Variants in ZNF521 observed in about 807,000 individuals in gnomAD.
ZNF521 encodes the protein zinc finger protein 521, also known as LYST-interacting protein 3.
A neutral mutation model predicts 105.5 loss-of-function variants in ZNF521; 14 were observed. That is an observed-to-expected ratio of 0.13 (90% confidence interval 0.09 to 0.21). The LOEUF (loss-of-function observed/expected upper bound fraction) is 0.21, where lower values mean the gene tolerates loss of function less well. ZNF521 is among the 10% of genes least tolerant of loss of function. The probability of loss-of-function intolerance (pLI) is 1.00; values close to 1 mark genes in which losing one functional copy is unlikely to be tolerated. For missense variants in ZNF521, 1,233 were observed against 1,629.7 expected, an observed-to-expected ratio of 0.76 and a Z score of 4.19; for synonymous variants, 635 against 606.0, an observed-to-expected ratio of 1.05 and a Z score of -0.70.
At chr18:25,103,272 G>GCTCT (rs540290568) in intron 5 of ZNF521, among the ~76,000 whole-genome samples, 169 of 152,278 alleles carry the variant, frequency 1.1e-3, no homozygotes, top group Non-Finnish European at 1.9e-3. Flanking sequence ...GAACGCTGAT[G>GCTCT]CTCTGTATGA....
At chr18:25,164,076 G>C (rs756025670) in intron 5 of ZNF521, among the ~76,000 whole-genome samples, 1 of 152,180 alleles carries the variant, frequency 6.6e-6, no homozygotes, top group African/African-American at 2.4e-5. Context: ...CTCCCAGTTG[G>C]AAAAGATCTG....
chr18:25,262,602 A>G (rs772369421), intron 3 of ZNF521, among the ~76,000 whole-genome samples: 5 of 152,182 alleles, frequency 3.3e-5, no homozygotes, highest in Admixed American at 6.5e-5. Flanking sequence ...CCCTCATGAA[A>G]CTCATGGGTA....
In ZNF521 at chr18:25,322,126, C is replaced by G; in HGVS notation, c.102G>C (p.Arg34Ser). Residue 34 changes from arginine (R) to serine (S), a missense_variant, in exon 3 of 8, where the codon AGG becomes AGC. Coordinates refer to ENST00000361524, the MANE Select transcript of ZNF521 (RefSeq NM_015461.3). ...CTTCCAACTCCTCCCCGTCTTCCGG[C>G]CTCTTCTTACAATCTAGTGCCTCTC... Reference protein sequence around the residue: ...EDGEALDCKKRPEDGEELEDE... With the variant: ...EDGEALDCKKSPEDGEELEDE... 6.2e-7 allele frequency: 1 copy of G among 1,614,184 alleles called. No individual in the cohort carries two copies.
At chr18:25,229,217 C>T (rs1056281825) in intron 3 of ZNF521, among the ~76,000 whole-genome samples, 2 of 152,172 alleles carry the variant, frequency 1.3e-5, no homozygotes, top group Non-Finnish European at 2.9e-5. Context: ...CAGCCTCTTC[C>T]TTATCCACAG....
At chr18:25,349,094 C>T (rs1206580044) in intron 2 of ZNF521, among the ~76,000 whole-genome samples, 1 of 152,112 alleles carries the variant, frequency 6.6e-6, no homozygotes, top group Non-Finnish European at 1.5e-5. Flanking sequence ...TCCCAAATTC[C>T]TTCACGGGGT....
intron 5 of ZNF521, among the ~76,000 whole-genome samples, chr18:25,169,075 T>C (rs751235507): frequency 6.6e-6 from 1 of 152,162 alleles, no homozygotes; most frequent in South Asian, 2.1e-4. Flanking sequence ...TATAATTCCA[T>C]GGACAGAATA....
chr18:25,251,527 G>A (rs997280073), intron 3 of ZNF521, among the ~76,000 whole-genome samples: 1 of 152,142 alleles, frequency 6.6e-6, no homozygotes, highest in African/African-American at 2.4e-5. Context: ...GAGATTTCCA[G>A]CCCTACAGTG....
In ZNF521 at chr18:25,180,094, G is replaced by A. The variant is rs7228934; in HGVS notation, c.3658+15066C>T. Among the ~76,000 whole-genome samples the A allele has an allele frequency of 7.4e-3, 1,127 of 152,184 alleles. 11 individuals carry two copies. The highest frequency in any genetic ancestry group is 0.023 in the African/African-American group (953 of 41,510). The stretch of plus-strand genomic sequence containing the variant: ...TAGAGAAAGTTAAAAAAACTTTTTC[G>A]TTTAGAAATGAAAGCCCTTTTTTGC... On this transcript the variant is annotated intron_variant, in intron 5 of 7. Coordinates refer to ENST00000361524, the MANE Select transcript of ZNF521 (RefSeq NM_015461.3).
At chr18:25,117,705 A>G (rs992427098) in intron 5 of ZNF521, among the ~76,000 whole-genome samples, 1 of 152,100 alleles carries the variant, frequency 6.6e-6, no homozygotes, top group Non-Finnish European at 1.5e-5. Flanking sequence ...ATGAATGTGA[A>G]AATAGACTAA....
chr18:25,344,933 A>G (rs1914397657), intron 2 of ZNF521, among the ~76,000 whole-genome samples: 1 of 152,224 alleles, frequency 6.6e-6, no homozygotes, highest in South Asian at 2.1e-4. Context: ...TTAATAGGAA[A>G]AAGAGACCCT....
chr18:25,074,046 C>G (rs377471918), intron 7 of ZNF521, among the ~76,000 whole-genome samples: 9 of 142,170 alleles, frequency 6.3e-5, no homozygotes, highest in African/African-American at 2.2e-4. Flanking sequence ...ATGTGTGTGT[C>G]TGTGCACATG....
At chr18:25,257,833 A>G (rs1908626412) in intron 3 of ZNF521, among the ~76,000 whole-genome samples, 1 of 152,168 alleles carries the variant, frequency 6.6e-6, no homozygotes, top group Non-Finnish European at 1.5e-5. Context: ...TCCATATCCC[A>G]TTATAACGGG....
At chr18:25,111,538 C>T (rs1350108745) in intron 5 of ZNF521, among the ~76,000 whole-genome samples, 2 of 152,076 alleles carry the variant, frequency 1.3e-5, no homozygotes, top group African/African-American at 4.8e-5. Flanking sequence ...AGAACTTTAC[C>T]CTCTTTGCCA....
intron 3 of ZNF521, among the ~76,000 whole-genome samples, chr18:25,254,124 CTT>C (rs965276746): frequency 2.6e-5 from 4 of 152,102 alleles, no homozygotes; most frequent in African/African-American, 9.7e-5. Flanking sequence ...GTAATGAAGT[CTT>C]TTCATTTTGG....
At chr18:25,293,717 T>C (rs1191678281) in intron 3 of ZNF521, among the ~76,000 whole-genome samples, 1 of 152,186 alleles carries the variant, frequency 6.6e-6, no homozygotes, top group East Asian at 1.9e-4. Context: ...GTCTTGAAAA[T>C]AAATCAATTT....
intron 4 of ZNF521, 102 bp downstream of exon 4, chr18:25,224,243 T>G (rs2144727073): frequency 9.1e-7 from 1 of 1,102,872 alleles, no homozygotes; most frequent in Admixed American, 2.5e-5. Flanking sequence ...TCTAAGCATC[T>G]TTTGGCCCAT....
rs1347168081 is a variant in ZNF521, at chr18:25,318,471, TA to T, written c.220+3536del. On this transcript the variant is annotated intron_variant, in intron 3 of 7. Transcript: ENST00000361524. ...ATTTCACTGTATGTAAATGTGGCAC[TA>T]AAAATTACAGCATTAACAATTATAA... Among the ~76,000 whole-genome samples the T allele has an allele frequency of 6.7e-4, 102 of 152,184 alleles. 1 individual carries two copies. Among genetic ancestry groups the T allele is most frequent in the Non-Finnish European group, 1.2e-4 (8 of 68,020 alleles).
intron 6 of ZNF521, among the ~76,000 whole-genome samples, chr18:25,091,425 A>T (rs957118130): frequency 7.4e-6 from 1 of 135,206 alleles, no homozygotes; most frequent in East Asian, 2.3e-4. Context: ...CTACTCTAAA[A>T]ATCCAATTTC....
intron 5 of ZNF521, among the ~76,000 whole-genome samples, chr18:25,179,680 T>C (rs1471632607): frequency 2.0e-5 from 3 of 152,114 alleles, no homozygotes; most frequent in African/African-American, 7.2e-5. Flanking sequence ...TTTTCCAATA[T>C]CTCTCTTTCA....
Sources: allele counts gnomAD v4.1 joint callset (sites outside exome capture counted in the v4.1 genomes callset), GRCh38; gene constraint gnomAD v4.1.1; transcripts MANE v1.5; gene names NCBI Gene and HGNC (gene_info 2026-07-23, HGNC 2026-07-21).